Variants in LIPE observed in about 807,000 individuals in gnomAD.
LIPE encodes the protein hormone-sensitive lipase.
LIPE carries 66 observed loss-of-function variants against 88.5 expected under a neutral mutation model. The observed-to-expected ratio is 0.75, with a 90% CI of 0.61 to 0.91. LIPE has a LOEUF of 0.91. Ranked by LOEUF, LIPE falls within the 40% of genes least tolerant of loss-of-function variation. The pLI is 0.00. For missense variants in LIPE, 1,346 were observed against 1,434.7 expected (o/e 0.94, Z 1.00); for synonymous variants, 570 against 617.5 (o/e 0.92, Z 1.14).
At chr19:42,412,537 T>C (rs920700148) in intron 1 of LIPE, 11 of 985,670 alleles carry the variant, frequency 1.1e-5, no homozygotes, top group Admixed American at 1.2e-4. Flanking sequence ...GTAAACAGAG[T>C]AGAGGGCTCA....
intron 8 of LIPE, 123 bp downstream of exon 8, chr19:42,405,262 C>A (rs1298014700): frequency 1.0e-6 from 1 of 1,002,686 alleles, no homozygotes; most frequent in Non-Finnish European, 1.4e-6. Context: ...ACCTCAGCCT[C>A]CCAAAGTGCT....
intron 1 of LIPE, chr19:42,423,828 G>A (rs938033233): frequency 1.8e-6 from 2 of 1,110,164 alleles, no homozygotes; most frequent in South Asian, 2.1e-5. Context: ...GGACTAGTGC[G>A]GAGCCCCGCG....
rs926070763 is a variant in LIPE at position 42,427,024 on chromosome 19, C to A, written c.126G>T (p.Leu42=). 1.9e-6 allele frequency: 3 copies of A among 1,613,780 alleles called. No individual in the cohort carries two copies. The highest frequency in any genetic ancestry group is 2.5e-6 in the Non-Finnish European group (3 of 1,179,990). ...GCTTCTGTTGGGTATTGGATCCCTG[C>A]AGAGTCTTCGATTCTGGCTGGGCTA... ...TPIAQPESKT[L]QGSNTQQKPA... is the part of the protein sequence containing the mutation. The change falls in exon 1 of 10, where the codon CTG becomes CTT. Residue 42 remains leucine (L), a synonymous_variant. Coordinates refer to ENST00000244289, the MANE Select transcript of LIPE (RefSeq NM_005357.4).
intron 1 of LIPE, among the ~76,000 whole-genome samples, chr19:42,425,356 A>G (rs984888991): frequency 6.6e-6 from 1 of 151,580 alleles, no homozygotes; most frequent in Non-Finnish European, 1.5e-5. Flanking sequence ...GTGCCTTCCC[A>G]CTCTGGGATT....
intron 1 of LIPE, chr19:42,423,752 C>G (rs958114230): frequency 8.9e-7 from 1 of 1,121,100 alleles, no homozygotes; most frequent in Admixed American, 4.9e-5. Context: ...CCCCCTACCG[C>G]GCATTAAAGG....
At position 42,406,459 on chromosome 19, in the gene LIPE, A is replaced by T; in HGVS notation, c.2138-71T>A. 1 of 1,372,970 alleles carries T rather than the reference A, an allele frequency of 7.3e-7. No homozygotes were observed. The highest frequency in any genetic ancestry group is 1.0e-6 in the Non-Finnish European group (1 of 974,520). 85.0% of individuals were successfully genotyped at this position (1,372,970 alleles called of 1,614,324 possible). ...GGCCTGGGGAGGAGGGCAGGGAGGA[A>T]CTCAAGCTGGGAGAACTGGGCTCTC... On this transcript the variant is annotated intron_variant, in intron 6 of 9. Coordinates refer to ENST00000244289, the MANE Select transcript of LIPE (RefSeq NM_005357.4). This position sits in a 1 kb window ranked among gnomAD's most constrained non-coding sequence, Gnocchi z 5.7.
At chr19:42,417,596 C>G (rs2040514212) in intron 1 of LIPE, among the ~76,000 whole-genome samples, 1 of 152,034 alleles carries the variant, frequency 6.6e-6, no homozygotes, top group African/African-American at 2.4e-5. Flanking sequence ...TGTTGCCTAG[C>G]CTGGTCTTGA....
At chr19:42,419,270 C>T (rs966483350) in intron 1 of LIPE, among the ~76,000 whole-genome samples, 9 of 152,136 alleles carry the variant, frequency 5.9e-5, no homozygotes, top group Non-Finnish European at 1.2e-4. Context: ...AAGACAGAAA[C>T]TCTGTCTCAA....
At chr19:42,412,972 G>A (rs957645358) in intron 1 of LIPE, among the ~76,000 whole-genome samples, 1 of 152,208 alleles carries the variant, frequency 6.6e-6, no homozygotes, top group Non-Finnish European at 1.5e-5. Flanking sequence ...ACTGGGTGGT[G>A]TGACCACACT....
At position 42,414,027 on chromosome 19, in the gene LIPE, C is replaced by T. The variant is rs1055797766; in HGVS notation, c.884-3185G>A. ...GGCACAGTGGCTCATGCCTATAATG[C>T]CAGCACGTTGGGAGGCCGACGTGGG... On this transcript the variant is annotated intron_variant, in intron 1 of 9. Coordinates refer to ENST00000244289, the MANE Select transcript of LIPE (RefSeq NM_005357.4). This position sits in a 1 kb window ranked among gnomAD's most constrained non-coding sequence, Gnocchi z 4.6. 4.6e-5 allele frequency among the ~76,000 whole-genome samples: 7 copies of T among 152,226 alleles called. No homozygotes were observed. The East Asian group carries it at 1.4e-3, about 30-fold the overall frequency.
Position 42,427,126 on chromosome 19 carries a change from C to T in LIPE, c.24G>A (p.Val8=). The part of the protein sequence containing the change: MEPGSKS[V]SRSDWQPEPH... Reference sequence around the variant, plus strand: ...GTTCAGGTTGCCAGTCTGACCTAGACACTGACTTAGAACCTGGCTCCATTG... The same window carrying T: ...GTTCAGGTTGCCAGTCTGACCTAGATACTGACTTAGAACCTGGCTCCATTG... Residue 8 remains valine, a synonymous_variant, in exon 1 of 10, where the codon GTG becomes GTA. Coordinates refer to ENST00000244289, the MANE Select transcript of LIPE (RefSeq NM_005357.4). The T allele has an allele frequency of 6.2e-7, 1 of 1,604,688 alleles. No homozygotes were observed. Among genetic ancestry groups the T allele is most frequent in the Non-Finnish European group, 8.5e-7 (1 of 1,177,172 alleles).
At position 42,407,549 on chromosome 19, in the gene LIPE, G is replaced by T. The variant is rs2040226776; in HGVS notation, c.1842+57C>A. ...ACCCCTCCATGGGGATGCCAAGGTG[G>T]GGGCTGCCCACGCTCCTCGGCTCTG... is the stretch of plus-strand genomic sequence containing the variant. On this transcript the variant is annotated intron_variant, in intron 5 of 9. Coordinates refer to ENST00000244289, the MANE Select transcript of LIPE (RefSeq NM_005357.4). This position sits in a 1 kb window ranked among gnomAD's most constrained non-coding sequence, Gnocchi z 5.8. 1 of 1,575,898 alleles carries T rather than the reference G, an allele frequency of 6.3e-7. No individual in the cohort carries two copies. The highest frequency in any genetic ancestry group is 1.7e-5 in the Admixed American group (1 of 57,192).
chr19:42,413,655 G>T (rs879768004), intron 1 of LIPE, among the ~76,000 whole-genome samples: 3 of 152,132 alleles, frequency 2.0e-5, no homozygotes, highest in African/African-American at 7.2e-5. Flanking sequence ...GACAGAGCGA[G>T]ACTCTGTCTT....
chr19:42,424,992 C>T (rs535902536), intron 1 of LIPE: 43 of 264,568 alleles, frequency 1.6e-4, no homozygotes, highest in Non-Finnish European at 2.6e-4. Flanking sequence ...CCTGACCTTG[C>T]CTGAGACCTT....
At chr19:42,417,835 T>G (rs964848488) in intron 1 of LIPE, among the ~76,000 whole-genome samples, 3 of 151,926 alleles carry the variant, frequency 2.0e-5, no homozygotes, top group Admixed American at 6.6e-5. Context: ...CTGGGTAACA[T>G]AGTGAGACCC....
chr19:42,421,388 C>T (rs1014377144), intron 1 of LIPE, among the ~76,000 whole-genome samples: 3 of 152,210 alleles, frequency 2.0e-5, no homozygotes, highest in African/African-American at 7.2e-5. Flanking sequence ...CCAATATTGC[C>T]TCCTTGGGAA....
At position 42,401,779 on chromosome 19, in the gene LIPE, A is replaced by G. The variant is rs2039977099; in HGVS notation, c.*33T>C. On this transcript the variant is annotated 3_prime_UTR_variant, in exon 10 of 10. Transcript: ENST00000244289. Reference sequence around the variant, plus strand: ...CCGCCCGGCCCGGAAGGCATTCATGACGGAGGCCGGCGCAGATGGGAACAA... The same window carrying G: ...CCGCCCGGCCCGGAAGGCATTCATGGCGGAGGCCGGCGCAGATGGGAACAA... 1.5e-6 allele frequency: 2 copies of G among 1,319,734 alleles called. No individual in the cohort carries two copies. The highest frequency in any genetic ancestry group is 7.8e-5 in the East Asian group (2 of 25,496). The allele number at this position is 1,319,734 out of a possible 1,614,324, so 81.8% of individuals were successfully genotyped here. A position where few individuals can be genotyped will look rare whatever the true frequency, so the allele number is the denominator to read the frequency against.
At chr19:42,423,791 G>T (rs559803367) in intron 1 of LIPE, 6 of 1,109,766 alleles carry the variant, frequency 5.4e-6, no homozygotes, top group East Asian at 8.4e-5. Context: ...GGCAACCCCG[G>T]GGGTGGCGAA....
In LIPE at chr19:42,427,342, T is replaced by C; in HGVS notation, c.-193A>G. 2.9e-6 allele frequency: 3 copies of C among 1,027,484 alleles called. No homozygotes were observed. Among genetic ancestry groups the C allele is most frequent in the Non-Finnish European group, 4.0e-6 (3 of 749,634 alleles). The allele number at this position is 1,027,484 out of a possible 1,614,324, so 63.6% of individuals were successfully genotyped here. On this transcript the variant is annotated 5_prime_UTR_variant, in exon 1 of 10. Transcript: ENST00000244289. ...TTGGCCGATCACAGCTGGCCCCCAC[T>C]AAGTAATGAACTCTGTGCCTCTTTC...
Sources: allele counts gnomAD v4.1 joint callset (sites outside exome capture counted in the v4.1 genomes callset), GRCh38; gene constraint gnomAD v4.1.1; non-coding constraint Gnocchi (gnomAD v3.1); transcripts MANE v1.5; gene names NCBI Gene and HGNC (gene_info 2026-07-23, HGNC 2026-07-21).